The following RORA variants were observed in gnomAD, a reference collection of about 807,000 sequenced individuals.
RORA encodes the protein nuclear receptor ROR-alpha.
In RORA, 7 loss-of-function variants were observed where a neutral mutation model predicts 69.5. The observed-to-expected ratio is 0.10, with a 90% CI of 0.06 to 0.19. The LOEUF (loss-of-function observed/expected upper bound fraction) is 0.19, where lower values mean the gene tolerates loss of function less well. Ranked by LOEUF, RORA falls within the 10% of genes least tolerant of loss-of-function variation. The probability of loss-of-function intolerance (pLI) is 1.00; values close to 1 mark genes in which losing one functional copy is unlikely to be tolerated. For synonymous variants in RORA, 261 were observed against 240.8 expected (o/e 1.08, Z -0.78); for missense variants, 457 against 663.0 (o/e 0.69, Z 3.41).
chr15:60,612,154 T>C (rs1052507479), intron 2 of RORA, among the ~76,000 whole-genome samples: 2 of 152,242 alleles, frequency 1.3e-5, no homozygotes. Flanking sequence ...AACAGACACA[T>C]TGGAAACTAA....
chr15:60,550,470 A>C (rs1182054247), intron 2 of RORA, among the ~76,000 whole-genome samples: 1 of 152,268 alleles, frequency 6.6e-6, no homozygotes, highest in Non-Finnish European at 1.5e-5. Flanking sequence ...TTAAGTGGTC[A>C]CCAAAAAGAT....
intron 1 of RORA, among the ~76,000 whole-genome samples, chr15:60,692,158 T>C (rs370970143): frequency 2.0e-5 from 3 of 152,208 alleles, no homozygotes; most frequent in African/African-American, 7.2e-5. Context: ...GCCATTCCCA[T>C]TGAATTAAGC....
At chr15:61,042,287 G>T (rs1896812387) in intron 1 of RORA, among the ~76,000 whole-genome samples, 1 of 152,112 alleles carries the variant, frequency 6.6e-6, no homozygotes, top group African/African-American at 2.4e-5. Flanking sequence ...ATGAAAGAAG[G>T]TGCTATCAAT....
intron 1 of RORA, among the ~76,000 whole-genome samples, chr15:60,988,848 T>TGAA (rs1184588539): frequency 6.6e-6 from 1 of 152,190 alleles, no homozygotes; most frequent in Non-Finnish European, 1.5e-5. Flanking sequence ...TTCCACTTAC[T>TGAA]TTTCAGTTGA....
chr15:60,592,347 C>G (rs1450287610), intron 2 of RORA: 1 of 1,362,742 alleles, frequency 7.3e-7, no homozygotes, highest in African/African-American at 1.5e-5. Context: ...CCCCCCGGAG[C>G]CGCCAGCCCA....
At chr15:60,761,649 T>C (rs2071894090) in intron 1 of RORA, among the ~76,000 whole-genome samples, 1 of 152,216 alleles carries the variant, frequency 6.6e-6, no homozygotes, top group Non-Finnish European at 1.5e-5. Flanking sequence ...TAAGTAAAAC[T>C]GAAGTTGTCT....
chr15:61,063,721 T>C (rs1212603784), intron 1 of RORA, among the ~76,000 whole-genome samples: 1 of 152,236 alleles, frequency 6.6e-6, no homozygotes, highest in Non-Finnish European at 1.5e-5. Flanking sequence ...TTTAGAGTGC[T>C]TCCTGGCACA....
At chr15:61,197,379 C>T (rs945213503) in intron 1 of RORA, among the ~76,000 whole-genome samples, 1 of 152,198 alleles carries the variant, frequency 6.6e-6, no homozygotes, top group African/African-American at 2.4e-5. Context: ...TGTGGAGAAG[C>T]CTGCCAAGAG....
At chr15:60,675,798 G>A (rs2070544093) in intron 2 of RORA, among the ~76,000 whole-genome samples, 1 of 152,154 alleles carries the variant, frequency 6.6e-6, no homozygotes, top group Admixed American at 6.5e-5. Context: ...TTTGCAGTAT[G>A]TGCACCTCTG....
In RORA at chr15:61,133,238, T is replaced by A. The variant is rs185948677; in HGVS notation, c.166+95815A>T. 1.2e-4 allele frequency among the ~76,000 whole-genome samples: 18 copies of A among 152,314 alleles called. 1 individual carries two copies. The East Asian group carries it at 3.5e-3, about 29-fold the overall frequency. On this transcript the variant is annotated intron_variant, in intron 1 of 10. Coordinates refer to ENST00000335670, the MANE Select transcript of RORA (RefSeq NM_134261.3). Reference sequence around the variant, plus strand: ...CAGGTAATATATATAATGTTCTGCATGGTAACTGCTAATGCCCTGTGGGGG... The same window carrying A: ...CAGGTAATATATATAATGTTCTGCAAGGTAACTGCTAATGCCCTGTGGGGG...
intron 1 of RORA, among the ~76,000 whole-genome samples, chr15:60,798,287 C>G (rs2072527258): frequency 6.6e-6 from 1 of 150,430 alleles, no homozygotes; most frequent in Admixed American, 6.6e-5. Flanking sequence ...AGTGTACTTA[C>G]AAAATATGTA....
At chr15:60,698,948 T>C (rs1408589015) in intron 1 of RORA, among the ~76,000 whole-genome samples, 1 of 152,130 alleles carries the variant, frequency 6.6e-6, no homozygotes, top group Non-Finnish European at 1.5e-5. Flanking sequence ...TTCATAATCT[T>C]TGCTCACTTT....
intron 1 of RORA, among the ~76,000 whole-genome samples, chr15:61,008,203 C>CTGTGTGTGTG (rs10581853): frequency 6.7e-5 from 9 of 135,136 alleles, no homozygotes; most frequent in Admixed American, 2.9e-4. Context: ...CTCTCTCTCT[C>CTGTGTGTGTG]TGTGTGTGTG....
intron 1 of RORA, among the ~76,000 whole-genome samples, chr15:60,682,150 C>T (rs1268544466): frequency 2.6e-5 from 4 of 152,148 alleles, no homozygotes; most frequent in Non-Finnish European, 5.9e-5. Flanking sequence ...ACTTAAAAGA[C>T]TGTTGTGAAA....
chr15:61,116,022 A>C (rs1051382653), intron 1 of RORA, among the ~76,000 whole-genome samples: 1 of 152,160 alleles, frequency 6.6e-6, no homozygotes, highest in African/African-American at 2.4e-5. Flanking sequence ...AGACCAGGCA[A>C]TGTAAAGGTG....
chr15:61,096,856 T>G (rs1031168855), intron 1 of RORA, among the ~76,000 whole-genome samples: 2 of 152,218 alleles, frequency 1.3e-5, no homozygotes, highest in African/African-American at 4.8e-5. Flanking sequence ...GATCAGCTTC[T>G]CTCTGGTGCA....
intron 1 of RORA, among the ~76,000 whole-genome samples, chr15:60,895,475 G>A (rs924457413): frequency 2.0e-5 from 3 of 152,152 alleles, no homozygotes; most frequent in Admixed American, 6.5e-5. Context: ...TAAATCCTCC[G>A]TCAGAGAGAT....
intron 2 of RORA, chr15:60,592,611 C>G: frequency 8.5e-7 from 1 of 1,182,350 alleles, no homozygotes; most frequent in Non-Finnish European, 1.0e-6. Context: ...TTACACCGCG[C>G]CCCTCCGCTT....
chr15:60,867,478 C>A (rs1324870525), intron 1 of RORA, among the ~76,000 whole-genome samples: 2 of 152,170 alleles, frequency 1.3e-5, no homozygotes, highest in South Asian at 2.1e-4. Flanking sequence ...GAAACGCACA[C>A]ATCAGGTGTC....
Sources: gnomAD v4.1 joint callset for allele counts (sites outside exome capture counted in the v4.1 genomes callset) on GRCh38, gnomAD v4.1.1 for gene constraint, MANE v1.5 for transcripts, NCBI Gene and HGNC (gene_info 2026-07-23, HGNC 2026-07-21) for gene names.